The following MACROD2 variants were observed in gnomAD, a reference collection of about 807,000 sequenced individuals.
MACROD2 encodes mono-ADP ribosylhydrolase 2.
A neutral mutation model predicts 70.4 loss-of-function variants in MACROD2; 36 were observed. The ratio of observed to expected loss-of-function variants is 0.51; its 90% confidence interval spans 0.39 to 0.68. MACROD2 has a LOEUF of 0.68. MACROD2 is among the 30% of genes least tolerant of loss of function. MACROD2 has a pLI of 0.00. For synonymous variants in MACROD2, 172 were observed against 178.8 expected, an observed-to-expected ratio of 0.96 and a Z score of 0.30; for missense variants, 496 against 538.4, an observed-to-expected ratio of 0.92 and a Z score of 0.78.
At chr20:14,301,266 T>C (rs146086970) in intron 3 of MACROD2, among the ~76,000 whole-genome samples, 75 of 152,078 alleles carry the variant, frequency 4.9e-4, no homozygotes, top group Non-Finnish European at 7.9e-4. Flanking sequence ...ATATACTTTA[T>C]ATTTTTAAAA....
chr20:14,203,937 G>C (rs137909714), intron 3 of MACROD2, among the ~76,000 whole-genome samples: 3 of 152,272 alleles, frequency 2.0e-5, no homozygotes, highest in African/African-American at 7.2e-5. Flanking sequence ...TGGCAGGGTG[G>C]GTTAGGCGGG....
intron 3 of MACROD2, among the ~76,000 whole-genome samples, chr20:14,406,915 C>G (rs2083696556): frequency 6.6e-6 from 1 of 151,850 alleles, no homozygotes; most frequent in Admixed American, 6.6e-5. Context: ...ATTTTGTGTC[C>G]CCTAACACCT....
At chr20:15,129,474 G>C (rs2076089598) in intron 5 of MACROD2, among the ~76,000 whole-genome samples, 1 of 152,066 alleles carries the variant, frequency 6.6e-6, no homozygotes, top group African/African-American at 2.4e-5. Flanking sequence ...TAACACAATA[G>C]AAAGATTCCT....
intron 4 of MACROD2, among the ~76,000 whole-genome samples, chr20:14,557,084 A>G (rs2123280102): frequency 6.6e-6 from 1 of 152,152 alleles, no homozygotes; most frequent in African/African-American, 2.4e-5. Flanking sequence ...TTGATGTCCA[A>G]TTGATTTGCA....
At chr20:14,085,540 G>A (rs1047733135) in intron 2 of MACROD2, 81 bp from the exon 3 acceptor site, 1 of 738,638 alleles carries the variant, frequency 1.4e-6, no homozygotes, top group Non-Finnish European at 2.0e-6. Flanking sequence ...ATTGGGTCTT[G>A]TAGTAGTCTT....
At chr20:14,713,910 G>C (rs185865070) in intron 5 of MACROD2, among the ~76,000 whole-genome samples, 200 of 152,292 alleles carry the variant, frequency 1.3e-3, no homozygotes, top group African/African-American at 4.5e-3. Context: ...GTTTAAGCTG[G>C]AGGGAAAGGA....
intron 7 of MACROD2, among the ~76,000 whole-genome samples, chr20:15,465,913 G>C (rs1195306674): frequency 6.6e-6 from 1 of 152,168 alleles, no homozygotes; most frequent in Non-Finnish European, 1.5e-5. Context: ...TAATGTATCA[G>C]ACAGGGTCCT....
intron 5 of MACROD2, among the ~76,000 whole-genome samples, chr20:14,909,274 C>T (rs190265210): frequency 6.6e-6 from 1 of 152,154 alleles, no homozygotes; most frequent in Admixed American, 6.5e-5. Flanking sequence ...AGATTACTTT[C>T]TAAGAGTGAG....
intron 5 of MACROD2, among the ~76,000 whole-genome samples, chr20:15,008,107 A>G (rs184504771): frequency 2.0e-5 from 3 of 152,318 alleles, no homozygotes; most frequent in Non-Finnish European, 2.9e-5. Flanking sequence ...TTAACGTGCT[A>G]TTAGTTCTTT....
chr20:14,082,052 TCA>T (rs1481856987), intron 2 of MACROD2, among the ~76,000 whole-genome samples: 1 of 152,138 alleles, frequency 6.6e-6, no homozygotes, highest in Non-Finnish European at 1.5e-5. Flanking sequence ...AACCTCCACT[TCA>T]GTCTCAAAAT....
At chr20:14,184,274 T>G (rs947277019) in intron 3 of MACROD2, among the ~76,000 whole-genome samples, 1 of 152,212 alleles carries the variant, frequency 6.6e-6, no homozygotes, top group South Asian at 2.1e-4. Context: ...CAGCACCATT[T>G]ATTGAATAGG....
In MACROD2 at chr20:14,141,472, G is replaced by A. The variant is rs566886572; in HGVS notation, c.271+55744G>A. On this transcript the variant is annotated intron_variant, in intron 3 of 17. Coordinates refer to ENST00000684519, the MANE Select transcript of MACROD2 (RefSeq NM_001351661.2). The stretch of plus-strand genomic sequence containing the variant: ...TATAAAGATTAAAGGGCGGCTGGGC[G>A]CAGTGGCTCATGCCTGTAATCCCAG... 3.3e-5 allele frequency among the ~76,000 whole-genome samples: 5 copies of A among 152,222 alleles called. No homozygotes were observed. The South Asian group carries it at 1.0e-3, about 32-fold the overall frequency.
intron 2 of MACROD2, among the ~76,000 whole-genome samples, chr20:14,079,739 A>G (rs191571582): frequency 2.0e-5 from 3 of 152,220 alleles, no homozygotes; most frequent in African/African-American, 7.2e-5. Flanking sequence ...GATGCATTGA[A>G]TCAGATACGT....
chr20:14,853,123 A>G (rs903305987), intron 5 of MACROD2, among the ~76,000 whole-genome samples: 2 of 150,080 alleles, frequency 1.3e-5, no homozygotes, highest in African/African-American at 2.5e-5. Context: ...AAGCAGCTTC[A>G]CTGTTTTCAT....
intron 4 of MACROD2, among the ~76,000 whole-genome samples, chr20:14,665,286 C>T (rs1322741629): frequency 6.6e-6 from 1 of 151,124 alleles, no homozygotes; most frequent in Non-Finnish European, 1.5e-5. Context: ...CCAGAATTAA[C>T]TGGTCAAGAG....
At chr20:15,167,963 G>T (rs997049368) in intron 5 of MACROD2, among the ~76,000 whole-genome samples, 4 of 152,144 alleles carry the variant, frequency 2.6e-5, no homozygotes, top group African/African-American at 7.2e-5. Flanking sequence ...TGTAAAATTA[G>T]ATACGAAGTA....
intron 5 of MACROD2, among the ~76,000 whole-genome samples, chr20:14,774,431 T>A (rs2072208846): frequency 6.6e-6 from 1 of 151,996 alleles, no homozygotes; most frequent in South Asian, 2.1e-4. Context: ...AGAACTGTAA[T>A]GAGGAAGTAA....
intron 5 of MACROD2, among the ~76,000 whole-genome samples, chr20:15,061,389 A>C (rs1290358431): frequency 6.6e-6 from 1 of 152,170 alleles, no homozygotes; most frequent in Non-Finnish European, 1.5e-5. Context: ...GAATCAGTGG[A>C]TACCTACCCG....
At chr20:14,074,661 T>C (rs534867218) in intron 2 of MACROD2, among the ~76,000 whole-genome samples, 1 of 152,302 alleles carries the variant, frequency 6.6e-6, no homozygotes, top group East Asian at 1.9e-4. Context: ...CCTGGCACTC[T>C]GTGAGGTCTC....
Sources: gnomAD v4.1 joint callset for allele counts (sites outside exome capture counted in the v4.1 genomes callset) on GRCh38, gnomAD v4.1.1 for gene constraint, MANE v1.5 for transcripts, NCBI Gene and HGNC (gene_info 2026-07-23, HGNC 2026-07-21) for gene names.